The following CXXC5 variants were observed in gnomAD, a reference collection of about 807,000 sequenced individuals.
CXXC5 encodes CXXC-type zinc finger protein 5.
A neutral mutation model predicts 17.6 loss-of-function variants in CXXC5; 2 were observed. That is an observed-to-expected ratio of 0.11 (90% CI 0.05 to 0.36). The LOEUF (loss-of-function observed/expected upper bound fraction) is 0.36. Among genes scored for constraint, CXXC5 ranks in the 10% least tolerant of loss-of-function variants. The pLI, the probability that CXXC5 is intolerant of heterozygous loss-of-function variation, is 1.00. For missense variants in CXXC5, 343 were observed against 458.3 expected (o/e 0.75, Z 2.30); for synonymous variants, 171 against 193.0 (o/e 0.89, Z 0.94).
intron 1 of CXXC5, among the ~76,000 whole-genome samples, chr5:139,653,537 G>T (rs1390745626): frequency 6.6e-6 from 1 of 152,176 alleles, no homozygotes; most frequent in Non-Finnish European, 1.5e-5. Flanking sequence ...GTTCCCTGGG[G>T]GAGGATTCCC....
At chr5:139,651,379 A>AGGCTG (rs757764053) in intron 1 of CXXC5, among the ~76,000 whole-genome samples, 254 of 110,470 alleles carry the variant, frequency 2.3e-3, no homozygotes, top group African/African-American at 8.0e-3. Flanking sequence ...CAGCTGGGCT[A>AGGCTG]GGCTGGGCTG....
chr5:139,679,215 C>T lies in CXXC5; in HGVS notation c.-160-1149C>T, dbSNP rs557419630. On this transcript the variant is annotated intron_variant, in intron 1 of 2. Coordinates refer to ENST00000302517, the MANE Select transcript of CXXC5 (RefSeq NM_016463.9). ...TCCACCCAGGCCCTACTCTGCAGGC[C>T]TTGTGAGGCCTCTGCCCACCACCGC... 2.0e-5 allele frequency among the ~76,000 whole-genome samples: 3 copies of T among 152,336 alleles called. No individual in the cohort carries two copies. In the East Asian group the frequency reaches 5.8e-4, roughly 29 times the overall value.
intron 1 of CXXC5, chr5:139,659,605 C>G (rs1044100414): frequency 6.6e-6 from 1 of 152,256 alleles, no homozygotes; most frequent in Non-Finnish European, 1.5e-5. Flanking sequence ...CCTGAGCTGC[C>G]GCTGCGGGGG....
chr5:139,652,559 A>G (rs894224921), intron 1 of CXXC5, among the ~76,000 whole-genome samples: 8 of 151,972 alleles, frequency 5.3e-5, no homozygotes, highest in African/African-American at 1.5e-4. Flanking sequence ...TGTGCTTATG[A>G]CTCAGGACAT....
intron 1 of CXXC5, among the ~76,000 whole-genome samples, chr5:139,660,677 C>CTG (rs1208218276): frequency 6.6e-6 from 1 of 151,220 alleles, no homozygotes; most frequent in African/African-American, 2.4e-5. Flanking sequence ...CAGCCTTCCC[C>CTG]TCTACCCTCA....
rs1757206410 is a variant in CXXC5 at position 139,681,178 on chromosome 5, G to A, written c.655G>A (p.Gly219Ser). Residue 219 changes from glycine (G) to serine (S), a missense_variant, in exon 2 of 3, where the codon GGC (glycine) becomes AGC (serine). By Grantham distance (56) the Gly-to-Ser change is moderately conservative (BLOSUM62 0). This residue lies in a region of CXXC5 where 297 missense variants were observed against 363.4 expected (regional missense o/e 0.82). Transcript: ENST00000302517. ...PYLGAFPINP[G>S]LFIMTPAGVF... is the part of the protein sequence containing the mutation. ...CCTGGGCGCTTTCCCCATCAACCCA[G>A]GCCTCTTCATTATGACCCCGGCAGG... is the stretch of plus-strand genomic sequence containing the variant. 3 of 1,612,820 alleles carry A rather than the reference G, an allele frequency of 1.9e-6. No individual in the cohort carries two copies. The highest frequency in any genetic ancestry group is 2.5e-6 in the Non-Finnish European group (3 of 1,179,988).
intron 1 of CXXC5, among the ~76,000 whole-genome samples, chr5:139,650,748 C>T (rs1306395434): frequency 2.6e-5 from 4 of 152,200 alleles, no homozygotes; most frequent in Admixed American, 6.5e-5. Flanking sequence ...CCAACCGCCA[C>T]TAGAAAACCG....
chr5:139,653,907 A>G (rs1313957517), intron 1 of CXXC5, among the ~76,000 whole-genome samples: 1 of 152,142 alleles, frequency 6.6e-6, no homozygotes, highest in African/African-American at 2.4e-5. Flanking sequence ...TAGGGGCTCT[A>G]GAGAGGTGAT....
At chr5:139,651,256 C>T (rs1445362667) in intron 1 of CXXC5, 1 of 152,302 alleles carries the variant, frequency 6.6e-6, no homozygotes. Flanking sequence ...CCGTTTTCCC[C>T]GCTCAGCAGG....
In CXXC5 at chr5:139,668,176, A is replaced by G. The variant is rs1329329181; in HGVS notation, c.-160-12188A>G. Among the ~76,000 whole-genome samples, 1 of 152,132 alleles carries G rather than the reference A, an allele frequency of 6.6e-6. No individual in the cohort carries two copies. The highest frequency in any genetic ancestry group is 1.5e-5 in the Non-Finnish European group (1 of 68,024). ...CTCCGCCTCCCAGACCTCTGGGGCC[A>G]TGAATCATTTATGAGGCAAAAATGA... On this transcript the variant is annotated intron_variant, in intron 1 of 2. Transcript: ENST00000302517. This position sits in a 1 kb window ranked among gnomAD's most constrained non-coding sequence, Gnocchi z 4.1.
At chr5:139,659,228 G>A (rs887269531) in intron 1 of CXXC5, among the ~76,000 whole-genome samples, 1 of 152,146 alleles carries the variant, frequency 6.6e-6, no homozygotes, top group African/African-American at 2.4e-5. Flanking sequence ...GTAGGGGTGT[G>A]ACTTGGTGAC....
chr5:139,663,396 A>C lies in CXXC5; in HGVS notation c.-161+14551A>C, dbSNP rs1435366147. Among the ~76,000 whole-genome samples, 1 of 152,036 alleles carries C rather than the reference A, an allele frequency of 6.6e-6. No individual in the cohort carries two copies. The highest frequency in any genetic ancestry group is 1.9e-4 in the East Asian group (1 of 5,196). On this transcript the variant is annotated intron_variant, in intron 1 of 2. Transcript: ENST00000302517. This position sits in a 1 kb window ranked among gnomAD's most constrained non-coding sequence, Gnocchi z 4.2. Reference sequence around the variant, plus strand: ...GGGCTGTCAGGGCTGTGGGAGATCTAAGAAGAGCCGACATGAGCTGGCAGG... The same window carrying C: ...GGGCTGTCAGGGCTGTGGGAGATCTCAGAAGAGCCGACATGAGCTGGCAGG...
chr5:139,683,027 A>C lies in CXXC5; in HGVS notation c.*120A>C. The stretch of plus-strand genomic sequence containing the variant: ...TCTTTAGAACCAAAAATATTCTCTC[A>C]CAGATTTCATTCCTGTTTTTATATA... On this transcript the variant is annotated 3_prime_UTR_variant, in exon 3 of 3. Coordinates refer to ENST00000302517, the MANE Select transcript of CXXC5 (RefSeq NM_016463.9). The C allele has an allele frequency of 6.6e-6, 5 of 756,982 alleles. No homozygotes were observed. The highest frequency in any genetic ancestry group is 9.5e-6 in the Non-Finnish European group (5 of 524,638). The allele number at this position is 756,982 out of a possible 1,614,324, so 46.9% of individuals were successfully genotyped here.
At chr5:139,680,202 G>T (rs922808807) in intron 1 of CXXC5, among the ~76,000 whole-genome samples, 162 bp from the exon 2 acceptor site, 1 of 152,198 alleles carries the variant, frequency 6.6e-6, no homozygotes, top group Non-Finnish European at 1.5e-5. Context: ...AACTGAGATA[G>T]TACAAATAAG....
intron 1 of CXXC5, among the ~76,000 whole-genome samples, chr5:139,662,032 C>G (rs1321705422): frequency 6.6e-6 from 1 of 152,204 alleles, no homozygotes; most frequent in Non-Finnish European, 1.5e-5. Context: ...TTCCCCAGGA[C>G]CACTAAGTGG....
rs1238215434 is a variant in CXXC5, at chr5:139,680,540, G to A, written c.17G>A (p.Gly6Asp). 6.4e-7 allele frequency: 1 copy of A among 1,565,684 alleles called. No homozygotes were observed. The highest frequency in any genetic ancestry group is 1.9e-5 in the Admixed American group (1 of 52,594). Residue 6 changes from glycine to aspartate, a missense_variant, in exon 2 of 3, where the codon GGT (glycine) becomes GAT (aspartate). Transcript: ENST00000302517. Reference protein sequence around the residue: MSSLGGGSQDAGGSSS... With the variant: MSSLGDGSQDAGGSSS... Reference sequence around the variant, plus strand: ...GGCCCCACCATGTCGAGCCTCGGCGGTGGCTCCCAGGATGCCGGCGGCAGT... The same window carrying A: ...GGCCCCACCATGTCGAGCCTCGGCGATGGCTCCCAGGATGCCGGCGGCAGT...
intron 1 of CXXC5, among the ~76,000 whole-genome samples, chr5:139,656,709 G>C (rs578074035): frequency 1.3e-5 from 2 of 152,216 alleles, no homozygotes; most frequent in South Asian, 4.2e-4. Flanking sequence ...CCCGTTAACT[G>C]CTATTTTGTT....
Position 139,670,210 on chromosome 5 carries a change from C to A in CXXC5, c.-160-10154C>A, listed in dbSNP as rs572608848. Among the ~76,000 whole-genome samples the A allele has an allele frequency of 2.0e-5, 3 of 152,354 alleles. No homozygotes were observed. In the East Asian group the frequency reaches 5.8e-4, roughly 29 times the overall value. Reference sequence around the variant, plus strand: ...CCTCCCGCCTCTCGCCTGCCTCCCCCACGCCTCTGCAGGGAGGGCCTGCGG... The same window carrying A: ...CCTCCCGCCTCTCGCCTGCCTCCCCAACGCCTCTGCAGGGAGGGCCTGCGG... On this transcript the variant is annotated intron_variant, in intron 1 of 2. Coordinates refer to ENST00000302517, the MANE Select transcript of CXXC5 (RefSeq NM_016463.9). The surrounding 1 kb of genome is among the most constrained non-coding windows in gnomAD (Gnocchi z 4.2).
At chr5:139,652,147 GGCGCGCGCGCGC>G (rs34430057) in intron 1 of CXXC5, among the ~76,000 whole-genome samples, 259 of 136,604 alleles carry the variant, frequency 1.9e-3, no homozygotes, top group African/African-American at 3.7e-3. Context: ...CCTAGCCGCC[GGCGCGCGCGCGC>G]GCGCGCGCGC....
Sources: allele counts gnomAD v4.1 joint callset (sites outside exome capture counted in the v4.1 genomes callset), GRCh38; gene constraint gnomAD v4.1.1; regional missense constraint gnomAD v4.1.1; non-coding constraint Gnocchi (gnomAD v3.1); transcripts MANE v1.5; gene names NCBI Gene and HGNC (gene_info 2026-07-23, HGNC 2026-07-21).